The following R3HDM1 variants were observed in gnomAD, a reference collection of about 807,000 sequenced individuals.
R3HDM1 encodes the protein R3H domain containing 1, also known as R3H domain-containing protein 1.
In R3HDM1, 46 loss-of-function variants were observed where a neutral mutation model predicts 141.1. That is an observed-to-expected ratio of 0.33 (90% CI 0.26 to 0.42). The LOEUF (loss-of-function observed/expected upper bound fraction) is 0.42. Among genes scored for constraint, R3HDM1 ranks in the 10% least tolerant of loss-of-function variants. R3HDM1 has a pLI of 1.00. For missense variants in R3HDM1, 1,184 were observed against 1,368.3 expected, an observed-to-expected ratio of 0.87 and a Z score of 2.12; for synonymous variants, 435 against 472.9, an observed-to-expected ratio of 0.92 and a Z score of 1.04.
chr2:135,648,175 C>T (rs2064689792), intron 16 of R3HDM1, among the ~76,000 whole-genome samples: 1 of 152,082 alleles, frequency 6.6e-6, no homozygotes, highest in Non-Finnish European at 1.5e-5. Flanking sequence ...TTATTTCTAG[C>T]CATGAGTTTT....
At chr2:135,714,827 G>A (rs2076008387) in intron 23 of R3HDM1, among the ~76,000 whole-genome samples, 2 of 151,928 alleles carry the variant, frequency 1.3e-5, no homozygotes, top group Admixed American at 1.3e-4. Flanking sequence ...GATCATTTGG[G>A]AAATCTGGGA....
At chr2:135,693,712 G>A (rs910636884) in intron 21 of R3HDM1, among the ~76,000 whole-genome samples, 3 of 152,290 alleles carry the variant, frequency 2.0e-5, no homozygotes, top group African/African-American at 4.8e-5. Context: ...AACTAAAGGA[G>A]AAAAGAATTC....
chr2:135,705,703 T>A (rs1481289572), intron 21 of R3HDM1, among the ~76,000 whole-genome samples: 4 of 152,176 alleles, frequency 2.6e-5, no homozygotes, highest in African/African-American at 9.7e-5. Flanking sequence ...AAATACATTA[T>A]ATTTGTCATT....
In R3HDM1 at chr2:135,724,405, A is replaced by T. The variant is rs989322994; in HGVS notation, c.*113A>T. The T allele has an allele frequency of 1.2e-6, 1 of 803,990 alleles. No individual in the cohort carries two copies. Among genetic ancestry groups the T allele is most frequent in the African/African-American group, 1.7e-5 (1 of 57,658 alleles). 49.8% of individuals were successfully genotyped at this position (803,990 alleles called of 1,614,324 possible). On this transcript the variant is annotated 3_prime_UTR_variant, in exon 27 of 27. Transcript: ENST00000683871. ...ATAGAGACTCCTAGGATGTGTGTTC[A>T]TGGCATTATAGCTTTTGAAGAAAGG...
In R3HDM1 at chr2:135,604,993, A is replaced by T; in HGVS notation, c.148A>T (p.Ile50Phe). The T allele has an allele frequency of 6.2e-7, 1 of 1,606,108 alleles. No homozygotes were observed. The highest frequency in any genetic ancestry group is 2.2e-5 in the East Asian group (1 of 44,714). The change falls in exon 3 of 27, where the codon ATT becomes TTT. Residue 50 changes from isoleucine (I) to phenylalanine (F), a missense_variant. Coordinates refer to ENST00000683871, the MANE Select transcript of R3HDM1 (RefSeq NM_001378107.1). ...TTTGGTAGAGAAGAATGAACATTGT[A>T]TTGAGAACAATATAGATTTGCAGGT... is the stretch of plus-strand genomic sequence containing the variant. ...KILVEKNEHC[I>F]ENNIDLQRPL...
intron 21 of R3HDM1, among the ~76,000 whole-genome samples, chr2:135,697,493 TG>T (rs1363563204): frequency 6.6e-6 from 1 of 152,232 alleles, no homozygotes; most frequent in Non-Finnish European, 1.5e-5. Context: ...AGCCTAATAC[TG>T]GAAGTAATCC....
rs145091199 is a variant in R3HDM1, at chr2:135,678,121, C to T, written c.2308-2052C>T. Among the ~76,000 whole-genome samples, 13 of 152,118 alleles carry T rather than the reference C, an allele frequency of 8.5e-5. No individual in the cohort carries two copies. The East Asian group carries it at 2.0e-3, about 23-fold the overall frequency. ...CTGGGATTACAGGCGCATGCCACCA[C>T]GCCTGGCTAATTTTTGTATTTTTAG... On this transcript the variant is annotated intron_variant, in intron 20 of 26. Transcript: ENST00000683871.
At chr2:135,695,129 G>T (rs1202102574) in intron 21 of R3HDM1, among the ~76,000 whole-genome samples, 1 of 152,084 alleles carries the variant, frequency 6.6e-6, no homozygotes, top group African/African-American at 2.4e-5. Flanking sequence ...AAACCCAAAA[G>T]AATTAAATTA....
chr2:135,722,637 C>T (rs2076803460), intron 26 of R3HDM1, 84 bp downstream of exon 26: 2 of 1,331,582 alleles, frequency 1.5e-6, no homozygotes, highest in Admixed American at 2.3e-5. Flanking sequence ...ATGGGTTTTC[C>T]TCTTCCTAGA....
chr2:135,635,985 A>G lies in R3HDM1; in HGVS notation c.794A>G (p.Lys265Arg), dbSNP rs1471245397. ...ILKRDNSSFDKDDNQMRIRLK... is the reference protein window; with the variant it reads ...ILKRDNSSFDRDDNQMRIRLK... ...AAGAGAGATAACTCTAGCTTTGACAAAGATGATAACCAGGTAATCTAGAAC... is the reference window on the plus strand; with the variant it reads ...AAGAGAGATAACTCTAGCTTTGACAGAGATGATAACCAGGTAATCTAGAAC... Residue 265 changes from lysine to arginine, a missense_variant, in exon 10 of 27, where the codon AAA becomes AGA. Coordinates refer to ENST00000683871, the MANE Select transcript of R3HDM1 (RefSeq NM_001378107.1). 1 of 1,611,796 alleles carries G rather than the reference A, an allele frequency of 6.2e-7. No individual in the cohort carries two copies. The highest frequency in any genetic ancestry group is 1.3e-5 in the African/African-American group (1 of 74,848).
chr2:135,644,232 G>A (rs1300035780), intron 15 of R3HDM1, among the ~76,000 whole-genome samples: 1 of 152,188 alleles, frequency 6.6e-6, no homozygotes, highest in Non-Finnish European at 1.5e-5. Flanking sequence ...GCCAGGTGCA[G>A]TGGCTCACAC....
intron 18 of R3HDM1, among the ~76,000 whole-genome samples, chr2:135,660,323 C>A (rs568760567): frequency 7.4e-4 from 112 of 152,102 alleles, no homozygotes; most frequent in Non-Finnish European, 1.4e-3. Context: ...AAGTCTAAAA[C>A]CAAGTTCACT....
chr2:135,654,885 TG>T (rs1410180694), intron 18 of R3HDM1, among the ~76,000 whole-genome samples: 1 of 151,008 alleles, frequency 6.6e-6, no homozygotes, highest in Non-Finnish European at 1.5e-5. Context: ...TGTGTGTGTG[TG>T]TGTGTGTGTG....
chr2:135,676,780 C>T (rs1044444374), intron 20 of R3HDM1, among the ~76,000 whole-genome samples: 2 of 152,102 alleles, frequency 1.3e-5, no homozygotes, highest in East Asian at 1.9e-4. Context: ...CACTGCATTC[C>T]GGGCTAGGTG....
intron 18 of R3HDM1, among the ~76,000 whole-genome samples, chr2:135,658,413 G>A (rs895458106): frequency 6.6e-6 from 1 of 152,118 alleles, no homozygotes; most frequent in African/African-American, 2.4e-5. Flanking sequence ...TGATCTGCCC[G>A]CCTCAGCCTT....
At chr2:135,538,774 C>T (rs192640466) in intron 1 of R3HDM1, among the ~76,000 whole-genome samples, 11 of 152,140 alleles carry the variant, frequency 7.2e-5, no homozygotes, top group South Asian at 4.2e-4. Context: ...CCACCATGCC[C>T]GGCTAATTTT....
intron 3 of R3HDM1, among the ~76,000 whole-genome samples, chr2:135,611,506 T>C (rs1199014818): frequency 6.6e-6 from 1 of 152,232 alleles, no homozygotes; most frequent in Non-Finnish European, 1.5e-5. Flanking sequence ...CACGATTCTA[T>C]GGCTTCTCAA....
intron 1 of R3HDM1, among the ~76,000 whole-genome samples, chr2:135,567,995 T>A (rs1309896565): frequency 1.4e-5 from 2 of 145,866 alleles, no homozygotes; most frequent in Non-Finnish European, 3.0e-5. Context: ...AAAGGGATCC[T>A]CCTGCCTTGG....
At chr2:135,542,939 G>T (rs910476355) in intron 1 of R3HDM1, among the ~76,000 whole-genome samples, 2 of 152,158 alleles carry the variant, frequency 1.3e-5, no homozygotes, top group Admixed American at 1.3e-4. Flanking sequence ...GTTTCACCAT[G>T]TTGGCTAGGC....
Sources: allele counts gnomAD v4.1 joint callset (sites outside exome capture counted in the v4.1 genomes callset), GRCh38; gene constraint gnomAD v4.1.1; transcripts MANE v1.5; gene names NCBI Gene and HGNC (gene_info 2026-07-23, HGNC 2026-07-21).